Variants in RIMS2 observed in about 807,000 individuals in gnomAD.
The protein encoded by RIMS2 is regulating synaptic membrane exocytosis 2.
In RIMS2, 59 loss-of-function variants were observed where a neutral mutation model predicts 174.4. The ratio of observed to expected loss-of-function variants is 0.34; its 90% CI spans 0.27 to 0.42. The LOEUF (loss-of-function observed/expected upper bound fraction) is 0.42, where lower values mean the gene tolerates loss of function less well. RIMS2 is among the 10% of genes least tolerant of loss of function. The pLI, the probability that RIMS2 is intolerant of heterozygous loss-of-function variation, is 1.00. For synonymous variants in RIMS2, 606 were observed against 572.5 expected (o/e 1.06, Z -0.84); for missense variants, 1,620 against 1,666.3 (o/e 0.97, Z 0.48).
At chr8:104,041,500 A>C (rs893294777) in intron 19 of RIMS2, 142 bp downstream of exon 22, 2 of 501,220 alleles carry the variant, frequency 4.0e-6, no homozygotes, top group Admixed American at 3.2e-5. Flanking sequence ...ATTTTAATTT[A>C]GGTATTTGTG....
intron 14 of RIMS2, among the ~76,000 whole-genome samples, chr8:103,949,131 AAAAAAAAAAAAAAAAAGGG>A (rs1313828027): frequency 7.1e-6 from 1 of 140,298 alleles, no homozygotes; most frequent in African/African-American, 3.0e-5. Flanking sequence ...TGTCAAAAAA[AAAAAAAAAAAAAAAAAGGG>A]AAAGGGAAAG....
In RIMS2 at chr8:104,081,324, A is replaced by G. The variant is rs143780975; in HGVS notation, c.3334+66709A>G. Reference sequence around the variant, plus strand: ...GGCTTATTTCAATAGAACATAAAACATGCTTTTATTCAATAGAACATAAAA... The same window carrying G: ...GGCTTATTTCAATAGAACATAAAACGTGCTTTTATTCAATAGAACATAAAA... On this transcript the variant is annotated intron_variant, in intron 19 of 23. Coordinates refer to ENST00000504942, the Ensembl canonical transcript of RIMS2. Among the ~76,000 whole-genome samples the G allele has an allele frequency of 3.8e-4, 58 of 152,192 alleles. 1 individual carries two copies. Among genetic ancestry groups the G allele is most frequent in the African/African-American group, 1.2e-3 (50 of 41,572 alleles).
intron 1 of RIMS2, among the ~76,000 whole-genome samples, chr8:103,600,766 C>T (rs1184962550): frequency 2.0e-5 from 3 of 152,122 alleles, no homozygotes; most frequent in African/African-American, 7.2e-5. Flanking sequence ...TTTTGAGGAA[C>T]CTGGAAACTG....
intron 19 of RIMS2, among the ~76,000 whole-genome samples, chr8:104,026,937 A>T (rs1221827720): frequency 6.6e-6 from 1 of 152,146 alleles, no homozygotes; most frequent in Non-Finnish European, 1.5e-5. Context: ...GAATTGGTGG[A>T]TATTTCCTAA....
intron 19 of RIMS2, among the ~76,000 whole-genome samples, chr8:104,160,260 C>A (rs759790961): frequency 1.6e-4 from 25 of 152,162 alleles, no homozygotes; most frequent in Non-Finnish European, 3.2e-4. Context: ...TTCATTTTTA[C>A]ATCTCTGGTA....
chr8:103,846,577 C>G (rs1417447120), intron 3 of RIMS2, among the ~76,000 whole-genome samples: 2 of 152,118 alleles, frequency 1.3e-5, no homozygotes, highest in African/African-American at 4.8e-5. Flanking sequence ...GTGCAATTAG[C>G]AGCCAGTATT....
chr8:103,556,445 T>C (rs1054631865), intron 1 of RIMS2, among the ~76,000 whole-genome samples: 1 of 152,210 alleles, frequency 6.6e-6, no homozygotes, highest in Non-Finnish European at 1.5e-5. Context: ...TCTCATCTTA[T>C]ACTTTCAGTG....
chr8:103,676,543 A>G (rs112925225), intron 1 of RIMS2, among the ~76,000 whole-genome samples: 160 of 151,612 alleles, frequency 1.1e-3, no homozygotes, highest in African/African-American at 3.7e-3. Context: ...TCTTCTTCTC[A>G]GTTAGTTGCT....
chr8:104,119,018 A>G (rs189508645), intron 19 of RIMS2, among the ~76,000 whole-genome samples: 1 of 152,140 alleles, frequency 6.6e-6, no homozygotes, highest in Admixed American at 6.5e-5. Flanking sequence ...TTTTTGAGGG[A>G]CACAAATGTT....
intron 1 of RIMS2, among the ~76,000 whole-genome samples, chr8:103,681,945 T>G (rs917462512): frequency 6.6e-6 from 1 of 152,012 alleles, no homozygotes; most frequent in African/African-American, 2.4e-5. Context: ...TCAAAGCACA[T>G]GTAGGATGTA....
intron 1 of RIMS2, among the ~76,000 whole-genome samples, chr8:103,611,962 T>A (rs1437201878): frequency 9.8e-6 from 1 of 102,216 alleles, no homozygotes; most frequent in East Asian, 1.9e-4. Context: ...TACTTCATTG[T>A]TTTTTATTTT....
At chr8:103,623,184 G>C (rs1211717629) in intron 1 of RIMS2, among the ~76,000 whole-genome samples, 11 of 152,128 alleles carry the variant, frequency 7.2e-5, no homozygotes. Flanking sequence ...GAGTCAAGCA[G>C]ACTGAGGTTT....
chr8:103,937,208 T>A (rs1203588916), intron 13 of RIMS2, among the ~76,000 whole-genome samples: 1 of 152,206 alleles, frequency 6.6e-6, no homozygotes, highest in African/African-American at 2.4e-5. Context: ...CAGCTGCTGC[T>A]TTAGGACAAA....
Position 103,592,264 on chromosome 8 carries a change from T to C in RIMS2, c.176+91202T>C, listed in dbSNP as rs368378323. Among the ~76,000 whole-genome samples the C allele has an allele frequency of 2.4e-4, 36 of 151,410 alleles. No individual in the cohort carries two copies. The East Asian group carries it at 5.4e-3, about 23-fold the overall frequency. On this transcript the variant is annotated intron_variant, in intron 1 of 23. Coordinates refer to ENST00000504942, the Ensembl canonical transcript of RIMS2. ...ATCCTTAATTTATTATAACAACCATTATCCTATGACAGGGAATAACATAAC... is the reference window on the plus strand; with the variant it reads ...ATCCTTAATTTATTATAACAACCATCATCCTATGACAGGGAATAACATAAC...
At chr8:104,224,599 T>C (rs2138770822) in intron 19 of RIMS2, among the ~76,000 whole-genome samples, 1 of 152,342 alleles carries the variant, frequency 6.6e-6, no homozygotes, top group South Asian at 2.1e-4. Context: ...TGTTCATTTT[T>C]AGATGTATAT....
chr8:103,538,258 TAAC>T (rs1840763278), intron 1 of RIMS2, among the ~76,000 whole-genome samples: 1 of 152,206 alleles, frequency 6.6e-6, no homozygotes, highest in African/African-American at 2.4e-5. Flanking sequence ...AATATTCTAA[TAAC>T]AATCTTATCT....
chr8:104,019,791 G>A (rs1023052101), intron 19 of RIMS2, among the ~76,000 whole-genome samples: 8 of 152,082 alleles, frequency 5.3e-5, no homozygotes, highest in Non-Finnish European at 8.8e-5. Flanking sequence ...TAGCTGTTAA[G>A]TTAATGTTTT....
At chr8:104,020,294 T>C (rs557855464) in intron 19 of RIMS2, among the ~76,000 whole-genome samples, 1 of 151,988 alleles carries the variant, frequency 6.6e-6, no homozygotes, top group African/African-American at 2.4e-5. Flanking sequence ...ATAAAGACAA[T>C]GAGGGAGAAA....
chr8:103,993,435 T>C (rs1187172994), intron 17 of RIMS2, among the ~76,000 whole-genome samples: 2 of 152,156 alleles, frequency 1.3e-5, no homozygotes, highest in African/African-American at 2.4e-5. Context: ...CCTTACACAC[T>C]CATGCTATTT....
Sources: allele counts gnomAD v4.1 joint callset (sites outside exome capture counted in the v4.1 genomes callset), GRCh38; gene constraint gnomAD v4.1.1; transcripts MANE v1.5; gene names NCBI Gene and HGNC (gene_info 2026-07-23, HGNC 2026-07-21).